OR9Q1: variants seen among roughly 807,000 people sequenced by gnomAD.
The protein encoded by OR9Q1 is olfactory receptor 9Q1.
For synonymous variants in OR9Q1, 153 were observed against 148.6 expected (o/e 1.03, Z -0.22); for missense variants, 374 against 378.8 (o/e 0.99, Z 0.11).
chr11:58,083,432 T>A (rs1371517836), intron 2 of OR9Q1, among the ~76,000 whole-genome samples: 1 of 152,080 alleles, frequency 6.6e-6, no homozygotes, highest in Non-Finnish European at 1.5e-5. Context: ...ACTGTGTAGA[T>A]AGTTTCTTTT....
intron 2 of OR9Q1, among the ~76,000 whole-genome samples, chr11:58,073,819 C>T (rs1004049915): frequency 6.6e-6 from 1 of 152,138 alleles, no homozygotes; most frequent in Non-Finnish European, 1.5e-5. Context: ...CATGCCCTTA[C>T]AGGCCCTGGT....
At chr11:58,037,205 T>A (rs1050863539) in intron 1 of OR9Q1, among the ~76,000 whole-genome samples, 1 of 152,098 alleles carries the variant, frequency 6.6e-6, no homozygotes, top group African/African-American at 2.4e-5. Context: ...TTGTTAGCAT[T>A]TTTTTTAGCA....
chr11:58,116,739 A>G (rs750549820), intron 2 of OR9Q1: 5 of 152,174 alleles, frequency 3.3e-5, no homozygotes, highest in Admixed American at 6.5e-5. Flanking sequence ...TTAGCTCAAC[A>G]TGGGTCAGGT....
At chr11:58,173,869 G>A (rs1248718128) in intron 2 of OR9Q1, among the ~76,000 whole-genome samples, 1 of 152,120 alleles carries the variant, frequency 6.6e-6, no homozygotes, top group Non-Finnish European at 1.5e-5. Flanking sequence ...CATATGACTT[G>A]TCTTTGTAGT....
rs17152465 is a variant in OR9Q1 at position 58,168,804 on chromosome 11, T to C, written c.-14-10627T>C. 7.0e-3 allele frequency among the ~76,000 whole-genome samples: 1,073 copies of C among 152,322 alleles called. 10 individuals are homozygous for C. Among genetic ancestry groups the C allele is most frequent in the African/African-American group, 0.019 (776 of 41,584 alleles). On this transcript the variant is annotated intron_variant, in intron 2 of 2. Coordinates refer to ENST00000335397, the MANE Select transcript of OR9Q1 (RefSeq NM_001005212.4). ...TTTTTTTGTAGTCCATATTGTCTAA[T>C]ACATGCATTTCCAGGCCTAGTTGTC...
intron 2 of OR9Q1, among the ~76,000 whole-genome samples, chr11:58,153,254 C>A (rs1394810051): frequency 9.9e-5 from 15 of 152,170 alleles, no homozygotes; most frequent in Non-Finnish European, 1.9e-4. Context: ...GAAGAAATCT[C>A]TTCTTTTGTT....
chr11:58,117,458 GC>G (rs890719054), intron 2 of OR9Q1: 36 of 152,200 alleles, frequency 2.4e-4, no homozygotes, highest in African/African-American at 8.4e-4. Flanking sequence ...CCATAGAGTT[GC>G]CAGAAGGCTC....
intron 1 of OR9Q1, among the ~76,000 whole-genome samples, chr11:58,037,091 C>A (rs1853107155): frequency 6.6e-6 from 1 of 152,154 alleles, no homozygotes; most frequent in Admixed American, 6.5e-5. Flanking sequence ...AATAAAGCCA[C>A]CTCAATCATC....
chr11:58,044,115 AAAAG>A (rs1357139234), intron 1 of OR9Q1: 1 of 152,248 alleles, frequency 6.6e-6, no homozygotes, highest in African/African-American at 2.4e-5. Flanking sequence ...CATGGTTGAT[AAAAG>A]AAAGAATGAA....
chr11:58,032,429 A>G (rs1400191192), intron 1 of OR9Q1, among the ~76,000 whole-genome samples: 3 of 152,218 alleles, frequency 2.0e-5, no homozygotes, highest in Non-Finnish European at 4.4e-5. Context: ...CACATAGACC[A>G]ATGGGACAGA....
chr11:58,080,688 G>T (rs1418191848), intron 2 of OR9Q1, among the ~76,000 whole-genome samples: 6 of 152,072 alleles, frequency 3.9e-5, no homozygotes, highest in Non-Finnish European at 8.8e-5. Context: ...TATTCTGACT[G>T]GTGTGTGATG....
intron 2 of OR9Q1, among the ~76,000 whole-genome samples, chr11:58,164,336 C>T (rs1447815918): frequency 6.6e-6 from 1 of 152,042 alleles, no homozygotes; most frequent in Non-Finnish European, 1.5e-5. Flanking sequence ...AGAGACTTAC[C>T]TGGGACCACA....
intron 2 of OR9Q1, among the ~76,000 whole-genome samples, chr11:58,150,119 C>T (rs1854336242): frequency 1.3e-5 from 2 of 152,180 alleles, no homozygotes; most frequent in African/African-American, 2.4e-5. Flanking sequence ...TTCACATGCT[C>T]AACACTTGTT....
At chr11:58,118,847 T>C (rs143031773) in intron 2 of OR9Q1, 507 of 1,613,906 alleles carry the variant, frequency 3.1e-4, no homozygotes, top group Non-Finnish European at 3.0e-4. Context: ...CCAAAGAAGA[T>C]GATGACAATC....
At chr11:58,141,566 G>A (rs1052805027) in intron 2 of OR9Q1, among the ~76,000 whole-genome samples, 10 of 152,212 alleles carry the variant, frequency 6.6e-5, no homozygotes, top group East Asian at 1.9e-4. Context: ...CCAGGGATGA[G>A]GCCCACTTGA....
At chr11:58,119,154 A>C (rs1483542487) in intron 2 of OR9Q1, 2 of 1,613,944 alleles carry the variant, frequency 1.2e-6, no homozygotes, top group Non-Finnish European at 1.7e-6. Flanking sequence ...ACTGGGCAGC[A>C]CAGTGGCCGT....
intron 2 of OR9Q1, among the ~76,000 whole-genome samples, chr11:58,144,172 TC>T (rs1854277301): frequency 1.0e-5 from 1 of 98,104 alleles, no homozygotes; most frequent in East Asian, 3.4e-4. Context: ...ATGCTATCCC[TC>T]CCCCCTCCCC....
At chr11:58,087,044 T>C (rs1590581146) in intron 2 of OR9Q1, among the ~76,000 whole-genome samples, 1 of 151,922 alleles carries the variant, frequency 6.6e-6, no homozygotes, top group East Asian at 1.9e-4. Flanking sequence ...AATGAATTTG[T>C]TCATTAGATT....
In OR9Q1 at chr11:58,180,248, G is replaced by A. The variant is rs2119979947; in HGVS notation, c.804G>A (p.Glu268=). ...GAGGTAACTCAGATCAGTCTTCGGA[G>A]AAGAATCGGGTAGTGTCTGTGCTTT... ...YLRGNSDQSS[E]KNRVVSVLYT... The change falls in exon 3 of 3, where the codon GAG becomes GAA. Residue 268 remains glutamate, a synonymous_variant. Coordinates refer to ENST00000335397, the MANE Select transcript of OR9Q1 (RefSeq NM_001005212.4). 1 of 1,614,110 alleles carries A rather than the reference G, an allele frequency of 6.2e-7. No individual in the cohort carries two copies. The highest frequency in any genetic ancestry group is 8.5e-7 in the Non-Finnish European group (1 of 1,180,004).
Sources: allele counts gnomAD v4.1 joint callset (sites outside exome capture counted in the v4.1 genomes callset), GRCh38; gene constraint gnomAD v4.1.1; transcripts MANE v1.5; gene names NCBI Gene and HGNC (gene_info 2026-07-23, HGNC 2026-07-21).